The following CDH4 variants were observed in gnomAD, a reference collection of about 807,000 sequenced individuals.
The protein encoded by CDH4 is cadherin 4, also known as cadherin-4.
CDH4 carries 33 observed loss-of-function variants against 86.0 expected under a neutral mutation model. The ratio of observed to expected loss-of-function variants is 0.38; its 90% CI spans 0.29 to 0.51. CDH4 has a LOEUF of 0.51. Among genes scored for constraint, CDH4 ranks in the 20% least tolerant of loss-of-function variants. CDH4 has a pLI of 0.86. For synonymous variants in CDH4, 555 were observed against 549.4 expected (o/e 1.01, Z -0.14); for missense variants, 1,114 against 1,307.4 (o/e 0.85, Z 2.28).
intron 4 of CDH4, among the ~76,000 whole-genome samples, chr20:61,824,160 G>A (rs772596885): frequency 2.0e-5 from 3 of 152,016 alleles, no homozygotes; most frequent in Admixed American, 6.6e-5. Flanking sequence ...ACTTTCTATT[G>A]GAGCATAGCC....
At chr20:61,298,863 G>T (rs550666228) in intron 2 of CDH4, among the ~76,000 whole-genome samples, 1 of 151,628 alleles carries the variant, frequency 6.6e-6, no homozygotes, top group South Asian at 2.1e-4. Flanking sequence ...GTGTGTCTGT[G>T]TATGCGGTAA....
At chr20:61,768,215 A>G (rs2088723733) in intron 3 of CDH4, among the ~76,000 whole-genome samples, 1 of 152,232 alleles carries the variant, frequency 6.6e-6, no homozygotes, top group Non-Finnish European at 1.5e-5. Flanking sequence ...ACACACAAAC[A>G]CACATAAGCA....
At chr20:61,776,534 C>T (rs1568809072) in intron 4 of CDH4, among the ~76,000 whole-genome samples, 1 of 152,216 alleles carries the variant, frequency 6.6e-6, no homozygotes, top group Non-Finnish European at 1.5e-5. Context: ...CTCCTCATAT[C>T]CCCTGACTCG....
chr20:61,503,184 AG>A (rs1190859070), intron 2 of CDH4, among the ~76,000 whole-genome samples: 1 of 152,172 alleles, frequency 6.6e-6, no homozygotes, highest in Non-Finnish European at 1.5e-5. Flanking sequence ...ACTGGCTCTA[AG>A]AAACGGGATA....
intron 2 of CDH4, among the ~76,000 whole-genome samples, chr20:61,553,137 A>G (rs2086146900): frequency 6.6e-6 from 1 of 152,258 alleles, no homozygotes; most frequent in African/African-American, 2.4e-5. Context: ...AAGCTACAAC[A>G]TAGATAAGCA....
At chr20:61,858,207 ATGTGTGTCTGTGTCTCTGTGTC>A (rs1983132255) in intron 6 of CDH4, among the ~76,000 whole-genome samples, 1 of 83,538 alleles carries the variant, frequency 1.2e-5, no homozygotes. Flanking sequence ...CTGTGTCTAT[ATGTGTGTCTGTGTCTCTGTGTC>A]TGTGTGTCTG....
At chr20:61,403,552 C>T (rs2085061945) in intron 2 of CDH4, among the ~76,000 whole-genome samples, 1 of 152,124 alleles carries the variant, frequency 6.6e-6, no homozygotes, top group Non-Finnish European at 1.5e-5. Context: ...TAACTCAAAT[C>T]AAATCATCGT....
chr20:61,499,442 G>A (rs1171751600), intron 2 of CDH4: 1 of 1,288,982 alleles, frequency 7.8e-7, no homozygotes, highest in Admixed American at 2.3e-5. Flanking sequence ...TCGATGAACG[G>A]CAGCTGTGAC....
At chr20:61,390,482 G>T (rs570654437) in intron 2 of CDH4, among the ~76,000 whole-genome samples, 15 of 144,056 alleles carry the variant, frequency 1.0e-4, no homozygotes, top group African/African-American at 3.1e-4. Context: ...CAGTCATAGG[G>T]TGCCCATAGT....
intron 2 of CDH4, among the ~76,000 whole-genome samples, chr20:61,675,124 G>A (rs1381572155): frequency 6.6e-6 from 1 of 152,254 alleles, no homozygotes; most frequent in Non-Finnish European, 1.5e-5. Flanking sequence ...CGTGTGACAG[G>A]CTGCTGTTTT....
At chr20:61,655,231 C>G (rs775046484) in intron 2 of CDH4, among the ~76,000 whole-genome samples, 2 of 152,202 alleles carry the variant, frequency 1.3e-5, no homozygotes, top group African/African-American at 4.8e-5. Context: ...AAAATAATCA[C>G]CAAGGGTCCT....
intron 2 of CDH4, among the ~76,000 whole-genome samples, chr20:61,547,596 G>A (rs1023351857): frequency 6.6e-6 from 1 of 151,198 alleles, no homozygotes; most frequent in Non-Finnish European, 1.5e-5. Flanking sequence ...TGGGGGTGGG[G>A]GGATACTGCC....
intron 2 of CDH4, among the ~76,000 whole-genome samples, chr20:61,499,683 C>A (rs969826908): frequency 2.0e-5 from 3 of 152,150 alleles, no homozygotes; most frequent in African/African-American, 7.2e-5. Flanking sequence ...CACCTGCCAT[C>A]CCATGAGGGC....
chr20:61,872,565 T>C (rs750390992), intron 6 of CDH4, among the ~76,000 whole-genome samples: 35 of 152,042 alleles, frequency 2.3e-4, no homozygotes, highest in Non-Finnish European at 3.7e-4. Context: ...CAGGTAGAGG[T>C]TGCACCATCC....
intron 2 of CDH4, among the ~76,000 whole-genome samples, chr20:61,739,655 G>A (rs949097142): frequency 6.6e-6 from 1 of 152,238 alleles, no homozygotes; most frequent in African/African-American, 2.4e-5. Context: ...TGAGGCACCA[G>A]ATTCCTGCCT....
intron 2 of CDH4, among the ~76,000 whole-genome samples, chr20:61,621,487 C>T (rs1422896080): frequency 6.6e-6 from 1 of 152,186 alleles, no homozygotes; most frequent in African/African-American, 2.4e-5. Flanking sequence ...GGTTAATTTG[C>T]CTAAAATACC....
At position 61,681,996 on chromosome 20, in the gene CDH4, T is replaced by C. The variant is rs1218642193; in HGVS notation, c.170-61567T>C. Among the ~76,000 whole-genome samples, 3 of 152,234 alleles carry C rather than the reference T, an allele frequency of 2.0e-5. No individual in the cohort carries two copies. Among genetic ancestry groups the C allele is most frequent in the African/African-American group, 4.8e-5 (2 of 41,470 alleles). On this transcript the variant is annotated intron_variant, in intron 2 of 15. Coordinates refer to ENST00000614565, the MANE Select transcript of CDH4 (RefSeq NM_001794.5). This position sits in a 1 kb window ranked among gnomAD's most constrained non-coding sequence, Gnocchi z 4.5. ...AAGCCCAGTGGGTTTCAGCTGCTAGTGGAGAACCTATGGCTTCAGTGCTAG... is the reference window on the plus strand; with the variant it reads ...AAGCCCAGTGGGTTTCAGCTGCTAGCGGAGAACCTATGGCTTCAGTGCTAG...
At chr20:61,268,221 T>C (rs998208933) in intron 2 of CDH4, among the ~76,000 whole-genome samples, 2 of 152,184 alleles carry the variant, frequency 1.3e-5, no homozygotes, top group African/African-American at 4.8e-5. Context: ...CCAGAGCATC[T>C]CGGGTCCACC....
At chr20:61,280,532 T>C (rs1302118233) in intron 2 of CDH4, among the ~76,000 whole-genome samples, 1 of 152,230 alleles carries the variant, frequency 6.6e-6, no homozygotes, top group Non-Finnish European at 1.5e-5. Flanking sequence ...TCCTTTTTCC[T>C]GTGGAAGGCA....
Sources: gnomAD v4.1 joint callset for allele counts (sites outside exome capture counted in the v4.1 genomes callset) on GRCh38, gnomAD v4.1.1 for gene constraint, Gnocchi (gnomAD v3.1) non-coding constraint, MANE v1.5 for transcripts, NCBI Gene and HGNC (gene_info 2026-07-23, HGNC 2026-07-21) for gene names.